The following NEK4 variants were observed in gnomAD, a reference collection of about 807,000 sequenced individuals.
NEK4 encodes the protein serine/threonine-protein kinase Nek4.
NEK4 carries 86 observed loss-of-function variants against 98.4 expected under a neutral mutation model. The ratio of observed to expected loss-of-function variants is 0.87; its 90% CI spans 0.73 to 1.05. The LOEUF (loss-of-function observed/expected upper bound fraction) is 1.05. NEK4 is among the 50% of genes least tolerant of loss of function. The pLI, the probability that NEK4 is intolerant of heterozygous loss-of-function variation, is 0.00. For missense variants in NEK4, 898 were observed against 950.3 expected (o/e 0.94, Z 0.72); for synonymous variants, 328 against 342.2 (o/e 0.96, Z 0.46).
chr3:52,708,994 T>G lies in NEK4; in HGVS notation c.*2783A>C, dbSNP rs1284126553. 6.6e-6 allele frequency: 1 copy of G among 152,088 alleles called. No homozygotes were observed. Among genetic ancestry groups the G allele is most frequent in the Non-Finnish European group, 1.5e-5 (1 of 68,040 alleles). 9.4% of individuals were successfully genotyped at this position (152,088 alleles called of 1,614,324 possible). A position where few individuals can be genotyped will look rare whatever the true frequency, so the allele number is the denominator to read the frequency against. The stretch of plus-strand genomic sequence containing the variant: ...TGAGGTCAGGAGTTCAAGACCAGCC[T>G]GGCCAACATGGTGAAACTCCATCTC... On this transcript the variant is annotated 3_prime_UTR_variant, in exon 16 of 16. Coordinates refer to ENST00000233027, the MANE Select transcript of NEK4 (RefSeq NM_003157.6).
chr3:52,719,170 G>A (rs778243039), intron 15 of NEK4, among the ~76,000 whole-genome samples: 7 of 152,166 alleles, frequency 4.6e-5, no homozygotes, highest in Non-Finnish European at 1.0e-4. Flanking sequence ...CTTTATACCA[G>A]ACCTTGCTCT....
At chr3:52,732,943 G>A in intron 15 of NEK4, 1 of 226,402 alleles carries the variant, frequency 4.4e-6, no homozygotes. Context: ...ATTTTAAGCT[G>A]GAAGGAAAAT....
intron 6 of NEK4, among the ~76,000 whole-genome samples, chr3:52,759,105 G>GAAAAAAAAA (rs201147041): frequency 4.3e-4 from 48 of 112,552 alleles, no homozygotes; most frequent in Non-Finnish European, 4.7e-4. Flanking sequence ...AAAGAAAAAA[G>GAAAAAAAAA]AAAAAAAAAA....
At position 52,710,302 on chromosome 3, in the gene NEK4, T is replaced by G. The variant is rs1206314687; in HGVS notation, c.*1475A>C. On this transcript the variant is annotated 3_prime_UTR_variant, in exon 16 of 16. Coordinates refer to ENST00000233027, the MANE Select transcript of NEK4 (RefSeq NM_003157.6). ...ATGGAGTGAACCTGGGAGGCGGAGCTTGCAGTGATCTGAGATTGGGCCACT... is the reference window on the plus strand; with the variant it reads ...ATGGAGTGAACCTGGGAGGCGGAGCGTGCAGTGATCTGAGATTGGGCCACT... 3 of 151,820 alleles carry G rather than the reference T, an allele frequency of 2.0e-5. No individual in the cohort carries two copies. The highest frequency in any genetic ancestry group is 7.3e-5 in the African/African-American group (3 of 41,288). The allele number at this position is 151,820 out of a possible 1,614,324, so 9.4% of individuals were successfully genotyped here.
intron 15 of NEK4, among the ~76,000 whole-genome samples, chr3:52,726,836 G>A (rs1009350599): frequency 3.3e-5 from 5 of 149,950 alleles, no homozygotes; most frequent in East Asian, 2.0e-4. Flanking sequence ...CCTGGGAGGC[G>A]GAGGTTGCAG....
chr3:52,729,884 G>C (rs1201374725), intron 15 of NEK4, among the ~76,000 whole-genome samples: 1 of 152,124 alleles, frequency 6.6e-6, no homozygotes, highest in Non-Finnish European at 1.5e-5. Flanking sequence ...GCCGAGGTAG[G>C]TGGATCACGA....
chr3:52,767,019 C>G (rs1351257269), intron 2 of NEK4, among the ~76,000 whole-genome samples: 2 of 152,058 alleles, frequency 1.3e-5, no homozygotes, highest in Non-Finnish European at 2.9e-5. Context: ...TGTTTACAGG[C>G]CAGGCGCAGT....
intron 8 of NEK4, among the ~76,000 whole-genome samples, chr3:52,749,477 T>C (rs182269373): frequency 6.6e-6 from 1 of 152,008 alleles, no homozygotes; most frequent in East Asian, 1.9e-4. Flanking sequence ...GTAACTGGTA[T>C]CTAGAATAAA....
chr3:52,728,864 T>C (rs567428592), intron 15 of NEK4, among the ~76,000 whole-genome samples: 7 of 152,258 alleles, frequency 4.6e-5, no homozygotes, highest in Non-Finnish European at 8.8e-5. Flanking sequence ...TCTTATGTGG[T>C]TGAGATAAGG....
intron 6 of NEK4, among the ~76,000 whole-genome samples, chr3:52,758,127 C>T (rs562300143): frequency 8.1e-4 from 114 of 141,136 alleles, no homozygotes; most frequent in African/African-American, 2.7e-3. Flanking sequence ...TGCAGTGAGC[C>T]GAGATCATGC....
At chr3:52,744,752 G>A (rs1021181537) in intron 10 of NEK4, among the ~76,000 whole-genome samples, 18 of 147,838 alleles carry the variant, frequency 1.2e-4, no homozygotes, top group Non-Finnish European at 7.4e-5. Flanking sequence ...AAAAAAAAAA[G>A]GTCTTGCGCT....
At chr3:52,767,450 G>A (rs1196425101) in intron 2 of NEK4, among the ~76,000 whole-genome samples, 2 of 151,908 alleles carry the variant, frequency 1.3e-5, no homozygotes, top group African/African-American at 2.4e-5. Flanking sequence ...GGTGGCTCAC[G>A]CCTATAATCC....
Position 52,770,730 on chromosome 3 carries a change from T to C in NEK4, c.17A>G (p.Tyr6Cys), listed in dbSNP as rs774411586. The stretch of plus-strand genomic sequence containing the variant: ...CTTGCCCACGACCCGCAGGTAGCAG[T>C]AGGCGGCCAGGGGCATGTTCCCAGC... MPLAA[Y>C]CYLRVVGKGS... is the part of the protein sequence containing the mutation. The change falls in exon 1 of 16, where the codon TAC becomes TGC. Residue 6 changes from tyrosine (Y) to cysteine (C), a missense_variant. Coordinates refer to ENST00000233027, the MANE Select transcript of NEK4 (RefSeq NM_003157.6). 17 of 1,572,280 alleles carry C rather than the reference T, an allele frequency of 1.1e-5. No individual in the cohort carries two copies. Among genetic ancestry groups the C allele is most frequent in the Admixed American group, 1.8e-5 (1 of 54,698 alleles).
chr3:52,768,571 A>AGGCATTTCGGAGGTTC lies in NEK4; in HGVS notation c.111_126dup (p.Ser43GlufsTer7). 6.2e-7 allele frequency: 1 copy of AGGCATTTCGGAGGTTC among 1,614,190 alleles called. No homozygotes were observed. The highest frequency in any genetic ancestry group is 8.5e-7 in the Non-Finnish European group (1 of 1,180,012). ...TCAGCAGCTCGCCGCTCTCGGCTAG[A>AGGCATTTCGGAGGTTC]GGCATTTCGGAGGTTCAGTTTTTTG... On this transcript the variant is annotated frameshift_variant, in exon 2 of 16. Transcript: ENST00000233027. LOFTEE classifies it high-confidence loss of function.
chr3:52,712,300 C>T (rs2097351142), intron 15 of NEK4, among the ~76,000 whole-genome samples: 1 of 152,214 alleles, frequency 6.6e-6, no homozygotes, highest in East Asian at 1.9e-4. Flanking sequence ...CCTTGTCCCC[C>T]TCGCAGGGCG....
Position 52,765,945 on chromosome 3 carries a change from T to C in NEK4, c.608A>G (p.Lys203Arg). 4 of 1,613,314 alleles carry C rather than the reference T, an allele frequency of 2.5e-6. No individual in the cohort carries two copies. Among genetic ancestry groups the C allele is most frequent in the Non-Finnish European group, 3.4e-6 (4 of 1,179,292 alleles). The change falls in exon 4 of 16, where the codon AAG becomes AGG. Residue 203 changes from lysine to arginine, a missense_variant. By Grantham distance (26) the Lys-to-Arg change is conservative. Coordinates refer to ENST00000233027, the MANE Select transcript of NEK4 (RefSeq NM_003157.6). ...GCCVYEMATL[K>R]HAFNAKDMNS... Reference sequence around the variant, plus strand: ...CATATCTTTTGCATTGAAAGCATGCTTCAAGGTGGCCATTTCATAGACACA... The same window carrying C: ...CATATCTTTTGCATTGAAAGCATGCCTCAAGGTGGCCATTTCATAGACACA...
At chr3:52,727,780 C>T (rs2097365920) in intron 15 of NEK4, among the ~76,000 whole-genome samples, 1 of 152,196 alleles carries the variant, frequency 6.6e-6, no homozygotes, top group African/African-American at 2.4e-5. Context: ...CTAAATAACA[C>T]ACTCTTAAAT....
At chr3:52,718,022 G>A (rs1254115543) in intron 15 of NEK4, among the ~76,000 whole-genome samples, 2 of 151,388 alleles carry the variant, frequency 1.3e-5, no homozygotes, top group Non-Finnish European at 1.5e-5. Context: ...TCAAACTCTT[G>A]ACCTCAAGTG....
rs1224631482 is a variant in NEK4 at position 52,765,346 on chromosome 3, C to G, written c.666+541G>C. ...AGCCTGGGAGACAAGAGCAAAACTC[C>G]ATCTCAAAAAAAAAAAAACAAAAAA... is the stretch of plus-strand genomic sequence containing the variant. On this transcript the variant is annotated intron_variant, in intron 4 of 15. Coordinates refer to ENST00000233027, the MANE Select transcript of NEK4 (RefSeq NM_003157.6). 7.8e-5 allele frequency among the ~76,000 whole-genome samples: 11 copies of G among 140,912 alleles called. No homozygotes were observed. In the East Asian group the frequency reaches 2.3e-3, roughly 29 times the overall value. 92.4% of individuals were successfully genotyped at this position (140,912 alleles called of 152,430 possible).
Sources: gnomAD v4.1 joint callset for allele counts (sites outside exome capture counted in the v4.1 genomes callset) on GRCh38, gnomAD v4.1.1 for gene constraint, MANE v1.5 for transcripts, NCBI Gene and HGNC (gene_info 2026-07-23, HGNC 2026-07-21) for gene names.